KMT2C: variants seen among roughly 807,000 people sequenced by gnomAD.
KMT2C encodes lysine methyltransferase 2C.
Under a neutral mutation model 507.9 loss-of-function variants are expected in KMT2C, and 88 were observed. The observed-to-expected ratio is 0.17, with a 90% confidence interval of 0.15 to 0.21. KMT2C has a LOEUF of 0.21. KMT2C is among the 10% of genes least tolerant of loss of function. The pLI is 1.00. For synonymous variants in KMT2C, 2,049 were observed against 2,080.8 expected (o/e 0.98, Z 0.42); for missense variants, 4,954 against 5,957.8 (o/e 0.83, Z 5.55).
chr7:152,270,550 C>T (rs1305160694), intron 7 of KMT2C, among the ~76,000 whole-genome samples: 2 of 152,160 alleles, frequency 1.3e-5, no homozygotes, highest in Non-Finnish European at 2.9e-5. Context: ...TAGTAGGCTA[C>T]TATGCTCCAA....
rs377375348 is a variant in KMT2C at position 152,311,793 on chromosome 7, C to G, written c.739+5G>C. The G allele has an allele frequency of 2.1e-5, 33 of 1,597,614 alleles. No individual in the cohort carries two copies. Among genetic ancestry groups the G allele is most frequent in the Non-Finnish European group, 2.7e-5 (32 of 1,169,274 alleles). On this transcript the variant is annotated splice_donor_5th_base_variant and intron_variant, in intron 5 of 58. Transcript: ENST00000262189. ...AGGCAGTCATTATTGAAAACATGCC[C>G]ATACCTGTAGAATCAAATAAGGCTT...
chr7:152,156,124 C>T, intron 45 of KMT2C, 67 bp from the exon 46 acceptor site: 1 of 1,598,632 alleles, frequency 6.3e-7, no homozygotes, highest in Non-Finnish European at 8.5e-7. Context: ...TAGAACTTTA[C>T]AATTCTATTG....
At chr7:152,315,453 T>C in intron 3 of KMT2C, 115 bp from the exon 4 acceptor site, 1 of 693,624 alleles carries the variant, frequency 1.4e-6, no homozygotes, top group Non-Finnish European at 2.4e-6. Context: ...CAAGCTAAGC[T>C]TTTCAATCTA....
chr7:152,309,314 T>A (rs1173994910), intron 6 of KMT2C, among the ~76,000 whole-genome samples: 1 of 102,804 alleles, frequency 9.7e-6, no homozygotes, highest in East Asian at 2.2e-4. Context: ...CACAAATTAA[T>A]TTTTTTTTTT....
At chr7:152,190,034 C>G (rs1354596094) in intron 31 of KMT2C, among the ~76,000 whole-genome samples, 1 of 152,148 alleles carries the variant, frequency 6.6e-6, no homozygotes, top group Non-Finnish European at 1.5e-5. Context: ...AGCGCAAACC[C>G]TATTGTGAAG....
At chr7:152,360,632 G>A (rs887355917) in intron 1 of KMT2C, among the ~76,000 whole-genome samples, 4 of 151,726 alleles carry the variant, frequency 2.6e-5, no homozygotes, top group Non-Finnish European at 4.4e-5. Context: ...TAGGGAGTTC[G>A]AGACCAGCCT....
intron 1 of KMT2C, among the ~76,000 whole-genome samples, chr7:152,373,841 AAAGG>A (rs1371885698): frequency 2.0e-5 from 3 of 152,226 alleles, no homozygotes; most frequent in Non-Finnish European, 1.5e-5. Flanking sequence ...TTATGAACAT[AAAGG>A]AAGAATAAAG....
In KMT2C at chr7:152,152,725, G is replaced by C. The variant is rs762116501; in HGVS notation, c.12506C>G (p.Pro4169Arg). 2.5e-6 allele frequency: 4 copies of C among 1,613,994 alleles called. No homozygotes were observed. In the African/African-American group the frequency reaches 4.0e-5, roughly 16 times the overall value. The change falls in exon 49 of 59, where the codon CCA (proline) becomes CGA (arginine). Residue 4169 changes from proline (P) to arginine (R), a missense_variant. Pro to Arg is a moderately radical substitution (Grantham distance 103). Coordinates refer to ENST00000262189, the MANE Select transcript of KMT2C (RefSeq NM_170606.3). ...CTCACCATTGCTTGTTGGAGGAAAT[G>C]GTACATTAGGCTGCTTCAGCCGGTA... ...SSYRLKQPNV[P>R]FPPTSNGLSG...
chr7:152,151,304 T>C, intron 50 of KMT2C, 138 bp downstream of exon 50: 1 of 845,756 alleles, frequency 1.2e-6, no homozygotes, highest in Non-Finnish European at 1.8e-6. Context: ...ACATCTGATA[T>C]ACGCTGGTGC....
chr7:152,137,062 T>C (rs2089936606), intron 58 of KMT2C, 138 bp from the exon 59 acceptor site: 5 of 663,700 alleles, frequency 7.5e-6, no homozygotes, highest in Non-Finnish European at 1.1e-5. Context: ...TGAGGTTCCA[T>C]GGGACCCTGG....
At chr7:152,283,302 C>T (rs2096249939) in intron 6 of KMT2C, among the ~76,000 whole-genome samples, 1 of 152,230 alleles carries the variant, frequency 6.6e-6, no homozygotes, top group Admixed American at 6.5e-5. Flanking sequence ...TAAGAAAACA[C>T]TGCCTATTAC....
At chr7:152,309,313 A>ATTTTT (rs1169487768) in intron 6 of KMT2C, among the ~76,000 whole-genome samples, 1 of 129,666 alleles carries the variant, frequency 7.7e-6, no homozygotes, top group African/African-American at 3.0e-5. Context: ...ACACAAATTA[A>ATTTTT]TTTTTTTTTT....
chr7:152,215,688 T>TATATATATATATATATACACAC (rs766518165), intron 23 of KMT2C, among the ~76,000 whole-genome samples: 1 of 134,432 alleles, frequency 7.4e-6, no homozygotes, highest in African/African-American at 3.4e-5. Flanking sequence ...TATATATATA[T>TATATATATATATATATACACAC]ACACACACAC....
intron 1 of KMT2C, among the ~76,000 whole-genome samples, chr7:152,372,623 A>G (rs181686590): frequency 1.2e-4 from 19 of 152,340 alleles, no homozygotes; most frequent in Admixed American, 9.8e-4. Flanking sequence ...CTTTGAGTCA[A>G]AAAGTGTTAA....
rs28691267 is a variant in KMT2C at position 152,293,674 on chromosome 7, T to C, written c.849+16292A>G. ...AGGTAAGTTCATTTCTTTAAACTTA[T>C]TTAATACTAAAAAGAAAGATTAAAA... On this transcript the variant is annotated intron_variant, in intron 6 of 58. Coordinates refer to ENST00000262189, the MANE Select transcript of KMT2C (RefSeq NM_170606.3). 9.5e-3 allele frequency among the ~76,000 whole-genome samples: 1,447 copies of C among 152,336 alleles called. 26 individuals are homozygous for C. The highest frequency in any genetic ancestry group is 0.034 in the African/African-American group (1,393 of 41,560).
chr7:152,242,022 C>T (rs1286853203), intron 14 of KMT2C, among the ~76,000 whole-genome samples: 1 of 151,952 alleles, frequency 6.6e-6, no homozygotes, highest in Non-Finnish European at 1.5e-5. Flanking sequence ...TAGTATATTC[C>T]TTAGACCTTA....
intron 1 of KMT2C, among the ~76,000 whole-genome samples, chr7:152,414,477 G>A (rs911671723): frequency 1.1e-4 from 17 of 150,742 alleles, no homozygotes; most frequent in East Asian, 6.0e-4. Context: ...GCCATGAGCC[G>A]AGATTGTGCC....
At chr7:152,218,314 C>T (rs1337163035) in intron 23 of KMT2C, among the ~76,000 whole-genome samples, 2 of 152,026 alleles carry the variant, frequency 1.3e-5, no homozygotes, top group Non-Finnish European at 1.5e-5. Flanking sequence ...CAGGTGCCTG[C>T]CACCACACCC....
chr7:152,364,626 G>GA (rs1173250954), intron 1 of KMT2C, among the ~76,000 whole-genome samples: 1 of 138,662 alleles, frequency 7.2e-6, no homozygotes, highest in Non-Finnish European at 1.5e-5. Flanking sequence ...AAAAAGAAAA[G>GA]AAAAAAAGAA....
Sources: gnomAD v4.1 joint callset for allele counts (sites outside exome capture counted in the v4.1 genomes callset) on GRCh38, gnomAD v4.1.1 for gene constraint, MANE v1.5 for transcripts, NCBI Gene and HGNC (gene_info 2026-07-23, HGNC 2026-07-21) for gene names.